The following SMARCA2 variants were observed in gnomAD, a reference collection of about 807,000 sequenced individuals.
SMARCA2 encodes SWI/SNF-related matrix-associated actin-dependent regulator of chromatin subfamily A member 2.
Under a neutral mutation model 199.8 loss-of-function variants are expected in SMARCA2, and 61 were observed. The observed-to-expected ratio is 0.31, with a 90% CI of 0.25 to 0.38. The LOEUF (loss-of-function observed/expected upper bound fraction) is 0.38, where lower values mean the gene tolerates loss of function less well. Among genes scored for constraint, SMARCA2 ranks in the 10% least tolerant of loss-of-function variants. The probability of loss-of-function intolerance (pLI) is 1.00; values close to 1 mark genes in which losing one functional copy is unlikely to be tolerated. For missense variants in SMARCA2, 1,344 were observed against 2,012.2 expected, an observed-to-expected ratio of 0.67 and a Z score of 6.35; for synonymous variants, 935 against 732.0, an observed-to-expected ratio of 1.28 and a Z score of -4.48.
In SMARCA2 at chr9:2,070,479, A is replaced by G. The variant is rs754325166; in HGVS notation, c.1746+8A>G. On this transcript the variant is annotated splice_region_variant and intron_variant, in intron 10 of 33. Coordinates refer to ENST00000349721, the MANE Select transcript of SMARCA2 (RefSeq NM_003070.5). Reference sequence around the variant, plus strand: ...CTGGGACCGGATGGAGAGGTAAGGGATCGTCATCCTTTCCACTGTGTTCTG... The same window carrying G: ...CTGGGACCGGATGGAGAGGTAAGGGGTCGTCATCCTTTCCACTGTGTTCTG... 47 of 1,608,550 alleles carry G rather than the reference A, an allele frequency of 2.9e-5. No homozygotes were observed. Among genetic ancestry groups the G allele is most frequent in the South Asian group, 1.1e-5 (1 of 90,930 alleles).
rs763043275 is a variant in SMARCA2 at position 2,039,688 on chromosome 9, C to G, written c.578C>G (p.Ala193Gly). ...RAQILAYKML[A>G]RGQPLPETLQ... ...CAGATTTTAGCTTATAAAATGCTGG[C>G]CCGAGGCCAGCCCCTCCCCGAAACG... The change falls in exon 4 of 34, where the codon GCC (alanine) becomes GGC (glycine). Residue 193 changes from alanine (A) to glycine (G), a missense_variant. By Grantham distance (60) the Ala-to-Gly change is moderately conservative. Around this residue, in one of 18 missense-constraint regions of SMARCA2, gnomAD observed 24 missense variants for 53.7 expected, o/e 0.45. Transcript: ENST00000349721. This position sits in a 1 kb window ranked among gnomAD's most constrained non-coding sequence, Gnocchi z 4.8. 1 of 1,613,914 alleles carries G rather than the reference C, an allele frequency of 6.2e-7. No homozygotes were observed. Among genetic ancestry groups the G allele is most frequent in the African/African-American group, 1.3e-5 (1 of 74,918 alleles).
intron 8 of SMARCA2, among the ~76,000 whole-genome samples, chr9:2,060,031 A>G (rs1169203312): frequency 7.2e-6 from 1 of 138,246 alleles, no homozygotes; most frequent in Non-Finnish European, 1.5e-5. Flanking sequence ...TACTGTATCT[A>G]TTTTATTGCT....
intron 27 of SMARCA2, among the ~76,000 whole-genome samples, chr9:2,132,714 T>C (rs555824133): frequency 1.2e-3 from 183 of 152,334 alleles, no homozygotes; most frequent in African/African-American, 4.1e-3. Context: ...GAAAATAGAT[T>C]TGGGTTTTGC....
At position 2,169,573 on chromosome 9, in the gene SMARCA2, C is replaced by G. The variant is rs1400252782; in HGVS notation, c.4200-846C>G. Among the ~76,000 whole-genome samples the G allele has an allele frequency of 6.6e-6, 1 of 152,152 alleles. No individual in the cohort carries two copies. Among genetic ancestry groups the G allele is most frequent in the African/African-American group, 2.4e-5 (1 of 41,422 alleles). ...CTCTCTGCAACACCCCGACCCCACA[C>G]TGACTCTAGAGCAGAATGGGGCAGT... On this transcript the variant is annotated intron_variant, in intron 28 of 33. Coordinates refer to ENST00000349721, the MANE Select transcript of SMARCA2 (RefSeq NM_003070.5). This position sits in a 1 kb window ranked among gnomAD's most constrained non-coding sequence, Gnocchi z 6.5.
intron 17 of SMARCA2, chr9:2,085,649 A>G (rs1479659750): frequency 4.6e-5 from 7 of 151,892 alleles, no homozygotes; most frequent in Non-Finnish European, 7.4e-5. Flanking sequence ...AAATCGAGGT[A>G]GTTTTTTTTT....
chr9:2,190,054 A>G (rs1453420001), intron 32 of SMARCA2, among the ~76,000 whole-genome samples: 2 of 152,196 alleles, frequency 1.3e-5, no homozygotes, highest in Non-Finnish European at 1.5e-5. Flanking sequence ...TCAAATACCA[A>G]AAATGGTATT....
chr9:2,168,581 T>C (rs995716614), intron 28 of SMARCA2, among the ~76,000 whole-genome samples: 3 of 152,216 alleles, frequency 2.0e-5, no homozygotes, highest in Non-Finnish European at 4.4e-5. Flanking sequence ...GTATTTACTG[T>C]GTCGAAGGCT....
At chr9:2,187,266 G>C (rs1160671717) in intron 32 of SMARCA2, among the ~76,000 whole-genome samples, 1 of 152,062 alleles carries the variant, frequency 6.6e-6, no homozygotes, top group East Asian at 1.9e-4. Context: ...CTGGGTTTTG[G>C]TGCCCCCTTA....
In SMARCA2 at chr9:2,161,553, A is replaced by G; in HGVS notation, c.3982-133A>G. The stretch of plus-strand genomic sequence containing the variant: ...TCTTCTTCCTCCACTGATTACTGTT[A>G]ACTTTTACTTTTTTTTGGTTAATTT... On this transcript the variant is annotated intron_variant, in intron 27 of 33. Coordinates refer to ENST00000349721, the MANE Select transcript of SMARCA2 (RefSeq NM_003070.5). This position sits in a 1 kb window ranked among gnomAD's most constrained non-coding sequence, Gnocchi z 4.7. The G allele has an allele frequency of 1.6e-6, 1 of 643,780 alleles. No individual in the cohort carries two copies. The highest frequency in any genetic ancestry group is 2.7e-6 in the Non-Finnish European group (1 of 372,666). The allele number at this position is 643,780 out of a possible 1,614,324, so 39.9% of individuals were successfully genotyped here. A position where few individuals can be genotyped will look rare whatever the true frequency, so the allele number is the denominator to read the frequency against.
chr9:2,015,626 A>G (rs1196056751), intron 1 of SMARCA2, among the ~76,000 whole-genome samples: 1 of 152,202 alleles, frequency 6.6e-6, no homozygotes, highest in Non-Finnish European at 1.5e-5. Context: ...CTCAGGTGGA[A>G]TGCTCTAACG....
intron 27 of SMARCA2, among the ~76,000 whole-genome samples, chr9:2,141,371 G>A (rs1444154484): frequency 6.6e-6 from 1 of 152,164 alleles, no homozygotes; most frequent in Non-Finnish European, 1.5e-5. Flanking sequence ...TTTAGTTAAT[G>A]ACAGGTGTAT....
rs951862942 is a variant in SMARCA2 at position 2,123,913 on chromosome 9, C to T, written c.3957C>T (p.Ala1319=). ...GCCGTGACGTGGACTACAGTGACGCCCTCACGGAGAAGCAGTGGCTAAGGG... is the reference window on the plus strand; with the variant it reads ...GCCGTGACGTGGACTACAGTGACGCTCTCACGGAGAAGCAGTGGCTAAGGG... ...RQRRDVDYSD[A]LTEKQWLRAI... The change falls in exon 27 of 34, where the codon GCC becomes GCT. Residue 1319 remains alanine (A), a synonymous_variant. Coordinates refer to ENST00000349721, the MANE Select transcript of SMARCA2 (RefSeq NM_003070.5). This position sits in a 1 kb window ranked among gnomAD's most constrained non-coding sequence, Gnocchi z 4.1. The T allele has an allele frequency of 6.3e-5, 100 of 1,578,832 alleles. No individual in the cohort carries two copies. The Admixed American group carries it at 7.6e-4, about 12-fold the overall frequency.
At chr9:2,127,126 A>G (rs75995874) in intron 27 of SMARCA2, among the ~76,000 whole-genome samples, 6,792 of 152,052 alleles carry the variant, frequency 0.045, 188 homozygotes, top group Non-Finnish European at 0.071. Context: ...ACCTTCACAG[A>G]TAAATATTAA....
chr9:2,138,902 G>A (rs765731957), intron 27 of SMARCA2, among the ~76,000 whole-genome samples: 1 of 152,122 alleles, frequency 6.6e-6, no homozygotes, highest in Non-Finnish European at 1.5e-5. Flanking sequence ...AGGGGTGTGG[G>A]TGAGAGATTT....
At chr9:2,187,956 T>G (rs1278447635) in intron 32 of SMARCA2, among the ~76,000 whole-genome samples, 1 of 151,950 alleles carries the variant, frequency 6.6e-6, no homozygotes, top group Non-Finnish European at 1.5e-5. Flanking sequence ...TATAAACAAA[T>G]TTATGTGTGG....
chr9:2,138,645 C>G (rs772473295), intron 27 of SMARCA2, among the ~76,000 whole-genome samples: 19 of 152,272 alleles, frequency 1.2e-4, no homozygotes, highest in Admixed American at 2.6e-4. Flanking sequence ...GATCAGGGTT[C>G]TGCTTGCAGA....
chr9:2,171,713 C>G (rs867881580), intron 29 of SMARCA2, among the ~76,000 whole-genome samples: 8 of 152,302 alleles, frequency 5.3e-5, no homozygotes, highest in Admixed American at 3.9e-4. Context: ...TTTAAATAAT[C>G]AACCAACTTG....
At chr9:2,040,359 C>T in intron 4 of SMARCA2, 1 of 201,440 alleles carries the variant, frequency 5.0e-6, no homozygotes, top group Non-Finnish European at 9.9e-6. Context: ...AAGAAGCATG[C>T]CTGTTGTAAA....
rs549808028 is a variant in SMARCA2 at position 2,126,157 on chromosome 9, C to A, written c.3981+2220C>A. On this transcript the variant is annotated intron_variant, in intron 27 of 33. Transcript: ENST00000349721. ...CATCTAGTAAACTTCCTTTTATCTA[C>A]AACATGCACATTTAAAAATGGAAAA... 2.6e-5 allele frequency among the ~76,000 whole-genome samples: 4 copies of A among 152,318 alleles called. No homozygotes were observed. The East Asian group carries it at 7.7e-4, about 29-fold the overall frequency.
Sources: gnomAD v4.1 joint callset for allele counts (sites outside exome capture counted in the v4.1 genomes callset) on GRCh38, gnomAD v4.1.1 for gene constraint, gnomAD v4.1.1 regional missense constraint, Gnocchi (gnomAD v3.1) non-coding constraint, MANE v1.5 for transcripts, NCBI Gene and HGNC (gene_info 2026-07-23, HGNC 2026-07-21) for gene names.